The following NXPE4 variants were observed in gnomAD, a reference collection of about 807,000 sequenced individuals.
NXPE4 encodes neurexophilin and PC-esterase domain family member 4, also known as NXPE family member 4.
In NXPE4, 42 loss-of-function variants were observed where a neutral mutation model predicts 33.3. The observed-to-expected ratio is 1.26, with a 90% CI of 0.98 to 1.63. NXPE4 has a LOEUF of 1.63. NXPE4 is among the 40% of genes most tolerant of loss of function. The pLI is 0.00. For missense variants in NXPE4, 709 were observed against 647.6 expected, an observed-to-expected ratio of 1.09 and a Z score of -1.03; for synonymous variants, 253 against 234.9, an observed-to-expected ratio of 1.08 and a Z score of -0.71.
chr11:114,666,812 C>T, the NXPE4 span, among the ~76,000 whole-genome samples: 8 of 152,092 alleles, frequency 5.3e-5, no homozygotes, highest in Non-Finnish European at 1.0e-4. Context: ...GTATTTACAA[C>T]ATTTGAACTG....
At chr11:114,599,309 C>T (rs541520013), upstream of NXPE4, among the ~76,000 whole-genome samples, 178 of 152,274 alleles carry the variant, frequency 1.2e-3, 1 homozygote, top group Admixed American at 3.1e-3. Flanking sequence ...TCAGACTGGA[C>T]TTCATTGTCC....
the NXPE4 span, among the ~76,000 whole-genome samples, chr11:114,611,416 T>G: frequency 1.3e-5 from 2 of 151,708 alleles, no homozygotes; most frequent in Non-Finnish European, 2.9e-5. Context: ...GGATAATAAG[T>G]ATTGCCTCTA....
At chr11:114,632,967 T>C in the NXPE4 span, among the ~76,000 whole-genome samples, 1 of 103,354 alleles carries the variant, frequency 9.7e-6, no homozygotes, top group Non-Finnish European at 1.7e-5. Flanking sequence ...TATAATTATA[T>C]ATTATATATT....
chr11:114,644,772 T>C, the NXPE4 span, among the ~76,000 whole-genome samples: 1 of 151,420 alleles, frequency 6.6e-6, no homozygotes, highest in Non-Finnish European at 1.5e-5. Flanking sequence ...AAAATACATA[T>C]CTAAATCTGC....
At chr11:114,634,754 C>G in the NXPE4 span, among the ~76,000 whole-genome samples, 102,076 of 151,670 alleles carry the variant, frequency 0.67, 34,728 homozygotes, top group African/African-American at 0.75. Context: ...TCTCAGGTTT[C>G]TCAAAGATCA....
At chr11:114,585,514 A>G (rs925564970) in intron 2 of NXPE4, among the ~76,000 whole-genome samples, 1 of 152,104 alleles carries the variant, frequency 6.6e-6, no homozygotes, top group Admixed American at 6.5e-5. Flanking sequence ...TTAAGTCAAA[A>G]ACTGTAAAAA....
At chr11:114,610,468 C>T in the NXPE4 span, among the ~76,000 whole-genome samples, 2 of 151,716 alleles carry the variant, frequency 1.3e-5, no homozygotes, top group African/African-American at 4.8e-5. Flanking sequence ...AGTGTTGTTT[C>T]TAGGGTAACC....
At chr11:114,645,830 TTAGA>T in the NXPE4 span, among the ~76,000 whole-genome samples, 3 of 152,216 alleles carry the variant, frequency 2.0e-5, no homozygotes, top group Non-Finnish European at 2.9e-5. Context: ...GTCATGTTCA[TTAGA>T]TAGGCCAAAT....
chr11:114,655,366 T>A, the NXPE4 span, among the ~76,000 whole-genome samples: 1 of 152,216 alleles, frequency 6.6e-6, no homozygotes, highest in Non-Finnish European at 1.5e-5. Flanking sequence ...TTTTTGCCAT[T>A]GCTTTTGGTG....
At chr11:114,621,197 A>G in the NXPE4 span, among the ~76,000 whole-genome samples, 1 of 152,170 alleles carries the variant, frequency 6.6e-6, no homozygotes, top group Non-Finnish European at 1.5e-5. Flanking sequence ...AACCACTGTT[A>G]CCTGGTGGAT....
At chr11:114,621,454 G>A in the NXPE4 span, among the ~76,000 whole-genome samples, 12,313 of 150,646 alleles carry the variant, frequency 0.082, 677 homozygotes, top group Non-Finnish European at 0.12. Context: ...CTGTTACCCA[G>A]TGGATAATAA....
intron 5 of NXPE4, among the ~76,000 whole-genome samples, chr11:114,577,459 G>A (rs988061441): frequency 6.6e-6 from 1 of 152,008 alleles, no homozygotes; most frequent in Non-Finnish European, 1.5e-5. Context: ...TACACTGCTC[G>A]GGCGATGGGT....
chr11:114,625,954 T>C, the NXPE4 span, among the ~76,000 whole-genome samples: 2 of 152,102 alleles, frequency 1.3e-5, no homozygotes, highest in African/African-American at 2.4e-5. Context: ...ACCCGAATAC[T>C]GCACTTTTCC....
At chr11:114,607,611 A>G in the NXPE4 span, among the ~76,000 whole-genome samples, 2 of 151,818 alleles carry the variant, frequency 1.3e-5, no homozygotes, top group Non-Finnish European at 2.9e-5. Flanking sequence ...GTGAGTAACC[A>G]GTGTTACCCG....
the NXPE4 span, among the ~76,000 whole-genome samples, chr11:114,650,078 A>G: frequency 6.6e-6 from 1 of 152,232 alleles, no homozygotes; most frequent in Non-Finnish European, 1.5e-5. Context: ...CAATGAGAAA[A>G]AAAATCCAGG....
chr11:114,605,786 T>C, the NXPE4 span, among the ~76,000 whole-genome samples: 1 of 151,534 alleles, frequency 6.6e-6, no homozygotes, highest in African/African-American at 2.4e-5. Context: ...CAGTGGATAA[T>C]AAGTATTGCC....
At chr11:114,593,533 A>G (rs540001438) in intron 2 of NXPE4, among the ~76,000 whole-genome samples, 1 of 152,086 alleles carries the variant, frequency 6.6e-6, no homozygotes, top group Non-Finnish European at 1.5e-5. Context: ...AACATATGCT[A>G]GTGAGGATGT....
At chr11:114,602,555 A>G in the NXPE4 span, among the ~76,000 whole-genome samples, 1 of 139,314 alleles carries the variant, frequency 7.2e-6, no homozygotes, top group Non-Finnish European at 1.5e-5. Flanking sequence ...CAAATTATAG[A>G]TTATATCATT....
At chr11:114,637,245 G>T in the NXPE4 span, among the ~76,000 whole-genome samples, 1 of 151,650 alleles carries the variant, frequency 6.6e-6, no homozygotes, top group African/African-American at 2.4e-5. Context: ...TTTGATCTTT[G>T]TTGGTTTAAA....
Sources: gnomAD v4.1 joint callset for allele counts (sites outside exome capture counted in the v4.1 genomes callset) on GRCh38, gnomAD v4.1.1 for gene constraint, MANE v1.5 for transcripts, NCBI Gene and HGNC (gene_info 2026-07-23, HGNC 2026-07-21) for gene names.